The following LSAMP variants were observed in gnomAD, a reference collection of about 807,000 sequenced individuals.
LSAMP encodes limbic system-associated membrane protein.
In LSAMP, 7 loss-of-function variants were observed where a neutral mutation model predicts 38.6. That is an observed-to-expected ratio of 0.18 (90% CI 0.10 to 0.34). LSAMP has a LOEUF of 0.34. Among genes scored for constraint, LSAMP ranks in the 10% least tolerant of loss-of-function variants. The pLI is 1.00. For missense variants in LSAMP, 313 were observed against 420.0 expected, an observed-to-expected ratio of 0.75 and a Z score of 2.23; for synonymous variants, 154 against 166.8, an observed-to-expected ratio of 0.92 and a Z score of 0.59.
chr3:116,156,756 T>C (rs1709759044), intron 1 of LSAMP, among the ~76,000 whole-genome samples: 1 of 151,950 alleles, frequency 6.6e-6, no homozygotes, highest in Non-Finnish European at 1.5e-5. Context: ...TGAAATGAAA[T>C]GGTTTACAAA....
At chr3:116,160,646 C>T (rs1709867497) in intron 1 of LSAMP, among the ~76,000 whole-genome samples, 1 of 152,142 alleles carries the variant, frequency 6.6e-6, no homozygotes, top group Admixed American at 6.5e-5. Context: ...CAAACCTGCA[C>T]ATATACCCCT....
chr3:116,064,291 C>T (rs1941644698), intron 2 of LSAMP, among the ~76,000 whole-genome samples: 1 of 151,992 alleles, frequency 6.6e-6, no homozygotes, highest in Non-Finnish European at 1.5e-5. Context: ...TTTAGGAGGC[C>T]AAGGCAGGCA....
At chr3:116,300,426 T>C (rs74758242) in intron 1 of LSAMP, among the ~76,000 whole-genome samples, 4,633 of 152,264 alleles carry the variant, frequency 0.03, 222 homozygotes, top group African/African-American at 0.11. Flanking sequence ...CGCTCTCCTA[T>C]TGACTTGATT....
Position 116,032,532 on chromosome 3 carries a change from G to C in LSAMP, c.389-12892C>G, listed in dbSNP as rs778345079. Among the ~76,000 whole-genome samples, 142 of 152,228 alleles carry C rather than the reference G, an allele frequency of 9.3e-4. 4 individuals are homozygous for C. Among genetic ancestry groups the C allele is most frequent in the Admixed American group, 6.5e-4 (10 of 15,278 alleles). On this transcript the variant is annotated intron_variant, in intron 2 of 6. Coordinates refer to ENST00000490035, the MANE Select transcript of LSAMP (RefSeq NM_002338.5). ...AACTAAATTATATACCACTGACCAGGCATGGTGGCTTATGTCTGTAATCCC... is the reference window on the plus strand; with the variant it reads ...AACTAAATTATATACCACTGACCAGCCATGGTGGCTTATGTCTGTAATCCC...
At chr3:115,861,308 A>G (rs1935693952) in intron 3 of LSAMP, among the ~76,000 whole-genome samples, 1 of 151,822 alleles carries the variant, frequency 6.6e-6, no homozygotes. Context: ...AACACTATTT[A>G]CTCTCAGTGC....
At chr3:116,402,058 A>G (rs2048847779) in intron 1 of LSAMP, among the ~76,000 whole-genome samples, 1 of 152,226 alleles carries the variant, frequency 6.6e-6, no homozygotes, top group Non-Finnish European at 1.5e-5. Flanking sequence ...AAATTCAGCC[A>G]CTGTCATTTT....
chr3:116,289,362 T>C (rs1452322053), intron 1 of LSAMP, among the ~76,000 whole-genome samples: 2 of 152,240 alleles, frequency 1.3e-5, no homozygotes, highest in Non-Finnish European at 2.9e-5. Flanking sequence ...ACCTGTTTAA[T>C]TTGCTTAATT....
At chr3:116,310,671 C>T (rs528277403) in intron 1 of LSAMP, among the ~76,000 whole-genome samples, 122 of 152,064 alleles carry the variant, frequency 8.0e-4, no homozygotes, top group African/African-American at 2.5e-3. Flanking sequence ...AGTCTCCCAA[C>T]GAAAGAAAAA....
chr3:116,199,457 A>G (rs771192385), intron 1 of LSAMP, among the ~76,000 whole-genome samples: 6 of 152,218 alleles, frequency 3.9e-5, no homozygotes, highest in Non-Finnish European at 7.3e-5. Flanking sequence ...CCGCTGAAGA[A>G]AAGTGTCTAA....
chr3:116,283,490 A>C (rs1476515870), intron 1 of LSAMP, among the ~76,000 whole-genome samples: 1 of 152,140 alleles, frequency 6.6e-6, no homozygotes, highest in Non-Finnish European at 1.5e-5. Flanking sequence ...ATAAAGTCTA[A>C]GTTTTGTGCT....
intron 3 of LSAMP, among the ~76,000 whole-genome samples, chr3:115,936,298 C>T (rs189466000): frequency 1.1e-3 from 161 of 152,224 alleles, no homozygotes; most frequent in African/African-American, 3.8e-3. Context: ...TTCTGTAGGT[C>T]GTATTTAAAT....
intron 1 of LSAMP, among the ~76,000 whole-genome samples, chr3:116,239,444 C>A (rs1236941022): frequency 6.6e-6 from 1 of 152,116 alleles, no homozygotes; most frequent in African/African-American, 2.4e-5. Context: ...ATAAAAAGAT[C>A]TGTTGAAATC....
At chr3:115,839,612 C>G (rs1934931094) in intron 6 of LSAMP, among the ~76,000 whole-genome samples, 1 of 152,120 alleles carries the variant, frequency 6.6e-6, no homozygotes, top group East Asian at 1.9e-4. Context: ...CTTTCATATT[C>G]TATTTTTTCA....
chr3:116,302,847 C>T (rs1314910315), intron 1 of LSAMP, among the ~76,000 whole-genome samples: 1 of 152,146 alleles, frequency 6.6e-6, no homozygotes, highest in African/African-American at 2.4e-5. Flanking sequence ...TTTAGTAGCA[C>T]TGATCTCCCA....
intron 1 of LSAMP, among the ~76,000 whole-genome samples, chr3:116,351,727 A>G (rs2048143084): frequency 6.6e-6 from 1 of 152,080 alleles, no homozygotes; most frequent in Non-Finnish European, 1.5e-5. Context: ...CTGAAATGTG[A>G]AAGATTCTTT....
intron 3 of LSAMP, among the ~76,000 whole-genome samples, chr3:115,893,870 C>A (rs1043236271): frequency 6.6e-6 from 1 of 151,938 alleles, no homozygotes; most frequent in African/African-American, 2.4e-5. Context: ...ACCACAGAAT[C>A]GAGATAGATG....
At chr3:116,302,320 G>C (rs555578830) in intron 1 of LSAMP, among the ~76,000 whole-genome samples, 1 of 152,146 alleles carries the variant, frequency 6.6e-6, no homozygotes, top group South Asian at 2.1e-4. Flanking sequence ...CTGTCGCTCT[G>C]TAAATATGCT....
chr3:116,302,896 C>T (rs1271112028), intron 1 of LSAMP, among the ~76,000 whole-genome samples: 1 of 152,132 alleles, frequency 6.6e-6, no homozygotes, highest in Non-Finnish European at 1.5e-5. Flanking sequence ...AAGGACTAGC[C>T]TGTAAGTTAG....
intron 1 of LSAMP, among the ~76,000 whole-genome samples, chr3:116,247,470 T>C (rs1184659379): frequency 6.6e-6 from 1 of 152,244 alleles, no homozygotes; most frequent in African/African-American, 2.4e-5. Context: ...AATGTTTACA[T>C]GTCAAGAGGC....
Sources: allele counts gnomAD v4.1 joint callset (sites outside exome capture counted in the v4.1 genomes callset), GRCh38; gene constraint gnomAD v4.1.1; transcripts MANE v1.5; gene names NCBI Gene and HGNC (gene_info 2026-07-23, HGNC 2026-07-21).